The following XG variants were observed in gnomAD, a reference collection of about 807,000 sequenced individuals.
The protein encoded by XG is glycoprotein Xg.
XG carries 24 observed loss-of-function variants against 25.7 expected under a neutral mutation model. The observed-to-expected ratio is 0.93, with a 90% CI of 0.68 to 1.31. The LOEUF is 1.31. XG is among the 40% of genes most tolerant of loss of function. The pLI, the probability that XG is intolerant of heterozygous loss-of-function variation, is 0.00. For missense variants in XG, 181 were observed against 187.6 expected (o/e 0.96, Z 0.21); for synonymous variants, 77 against 69.2 (o/e 1.11, Z -0.56).
intron 1 of XG, among the ~76,000 whole-genome samples, chrX:2,759,852 G>C (rs2050524518): frequency 1.3e-5 from 2 of 152,230 alleles, no homozygotes; most frequent in African/African-American, 2.4e-5. Flanking sequence ...TGGATCAGGG[G>C]CCAGAGGCAC....
chrX:2,774,740 G>C lies in XG; in HGVS notation c.127+1G>C. ...GAACCCACCAAGAAGCCAAACTCAG[G>C]TGAGTGTCTCTTCAGCTGGGAAAAA... On this transcript the variant is annotated splice_donor_variant, in intron 3 of 10. Coordinates refer to ENST00000644266, the MANE Select transcript of XG (RefSeq NM_001141919.2). LOFTEE classifies it high-confidence loss of function. 6.2e-7 allele frequency: 1 copy of C among 1,613,816 alleles called. No individual in the cohort carries two copies. Among genetic ancestry groups the C allele is most frequent in the South Asian group, 1.1e-5 (1 of 91,060 alleles).
chrX:2,775,347 A>G (rs2050954156), intron 3 of XG, among the ~76,000 whole-genome samples: 1 of 152,228 alleles, frequency 6.6e-6, no homozygotes, highest in South Asian at 2.1e-4. Context: ...AGCCTCAAAA[A>G]CATTTTGCAA....
At chrX:2,787,907 CAAAAA>C (rs61601632) in intron 4 of XG, among the ~76,000 whole-genome samples, 1 of 50,786 alleles carries the variant, frequency 2.0e-5, no homozygotes, top group African/African-American at 6.7e-5. Context: ...AACTCCTTCT[CAAAAA>C]AAAAAAAAAA....
intron 5 of XG, among the ~76,000 whole-genome samples, chrX:2,791,733 T>C (rs1391131411): frequency 9.0e-6 from 1 of 110,647 alleles, no homozygotes; most frequent in African/African-American, 3.3e-5. Context: ...TCTGGAAAGC[T>C]GTGCCTGGCA....
chrX:2,768,078 C>T (rs28758440), intron 1 of XG, among the ~76,000 whole-genome samples: 17,182 of 152,124 alleles, frequency 0.11, 1,111 homozygotes, highest in African/African-American at 0.18. Flanking sequence ...TGCAGCCCTC[C>T]CGTGCCACCT....
chrX:2,788,382 C>T (rs2086804729), intron 4 of XG, among the ~76,000 whole-genome samples: 2 of 112,405 alleles, frequency 1.8e-5, no homozygotes, highest in African/African-American at 6.5e-5. Context: ...AGAGCTTGCA[C>T]TGATTATTTC....
intron 6 of XG, among the ~76,000 whole-genome samples, chrX:2,795,971 T>G (rs1178448372): frequency 9.0e-6 from 1 of 110,610 alleles, no homozygotes; most frequent in Non-Finnish European, 1.9e-5. Context: ...GTATATCTTC[T>G]AATGTATCTT....
intron 1 of XG, 40 bp from the exon 2 acceptor site, chrX:2,770,510 T>C: frequency 6.2e-7 from 1 of 1,613,484 alleles, no homozygotes; most frequent in South Asian, 1.1e-5. Flanking sequence ...TTCTGGCCTT[T>C]CCATCATGGG....
At chrX:2,759,302 A>C (rs1318137079) in intron 1 of XG, among the ~76,000 whole-genome samples, 1 of 152,218 alleles carries the variant, frequency 6.6e-6, no homozygotes, top group African/African-American at 2.4e-5. Context: ...TGTAGTGGAG[A>C]ACCTGCTGTT....
intron 2 of XG, among the ~76,000 whole-genome samples, chrX:2,774,301 A>G (rs1232956967): frequency 6.6e-6 from 1 of 152,080 alleles, no homozygotes; most frequent in Non-Finnish European, 1.5e-5. Context: ...CATGCAATAC[A>G]TATTTGCTGA....
Position 2,814,395 on chromosome X carries a change from C to G in XG, c.*15C>G. 8.3e-7 allele frequency: 1 copy of G among 1,203,440 alleles called. No individual in the cohort carries two copies. ...AAAATGTCTGAAGATGTTAAGATCC[C>G]CTGATTACTTTGAGAAAAACAACTA... On this transcript the variant is annotated 3_prime_UTR_variant, in exon 11 of 11. Transcript: ENST00000644266.
chrX:2,811,406 C>T lies in XG; in HGVS notation c.525C>T (p.Ala175=). The change falls in exon 10 of 11, where the codon GCC becomes GCT. Residue 175 remains alanine (A), a synonymous_variant. Coordinates refer to ENST00000644266, the MANE Select transcript of XG (RefSeq NM_001141919.2). ...TGGTGACACTGCTGGGAGCAGCAGCCAGTTATTTCAAACTAAACAATAGGA... is the reference window on the plus strand; with the variant it reads ...TGGTGACACTGCTGGGAGCAGCAGCTAGTTATTTCAAACTAAACAATAGGA... ...VVVVTLLGAA[A]SYFKLNNRRN... is the part of the protein sequence containing the mutation. 1 of 1,205,436 alleles carries T rather than the reference C, an allele frequency of 8.3e-7. No homozygotes were observed. Among genetic ancestry groups the T allele is most frequent in the South Asian group, 1.8e-5 (1 of 55,733 alleles).
intron 1 of XG, among the ~76,000 whole-genome samples, chrX:2,760,742 A>C (rs2050547465): frequency 6.6e-6 from 1 of 150,944 alleles, no homozygotes; most frequent in Admixed American, 6.6e-5. Context: ...CTCAAAAAAA[A>C]AAAAAAAAAA....
chrX:2,788,794 G>T (rs777637117), intron 4 of XG, among the ~76,000 whole-genome samples: 9 of 110,152 alleles, frequency 8.2e-5, no homozygotes, highest in Non-Finnish European at 1.5e-4. Context: ...GGCAGAGGTT[G>T]CCGTGAGCTG....
chrX:2,790,183 A>G (rs2086823526), intron 5 of XG, among the ~76,000 whole-genome samples: 1 of 111,623 alleles, frequency 9.0e-6, no homozygotes, highest in Non-Finnish European at 1.9e-5. Context: ...GCCCAGCCTG[A>G]TAATCAGTAT....
At chrX:2,775,746 A>T (rs1189995160) in intron 3 of XG, among the ~76,000 whole-genome samples, 2 of 151,838 alleles carry the variant, frequency 1.3e-5, no homozygotes, top group Non-Finnish European at 2.9e-5. Context: ...ATCTGAGGTC[A>T]GGGGTTCGAG....
In XG at chrX:2,815,724, C is replaced by T. The variant is rs967327177; in HGVS notation, c.*1344C>T. The T allele has an allele frequency of 2.7e-5, 3 of 109,190 alleles. No individual in the cohort carries two copies. Among genetic ancestry groups the T allele is most frequent in the Non-Finnish European group, 5.7e-5 (3 of 52,490 alleles). The allele number at this position is 109,190 out of a possible 1,213,427, so 9.0% of individuals were successfully genotyped here. ...TTTTCAGGAGTGGTGATGTCTGATG[C>T]TCAATTACTATTTTCCCTATAAGAG... On this transcript the variant is annotated 3_prime_UTR_variant, in exon 11 of 11. Coordinates refer to ENST00000644266, the MANE Select transcript of XG (RefSeq NM_001141919.2).
At chrX:2,778,998 A>G (rs765587563) in intron 3 of XG, among the ~76,000 whole-genome samples, 2 of 152,116 alleles carry the variant, frequency 1.3e-5, no homozygotes, top group Non-Finnish European at 2.9e-5. Context: ...TCCTGACCTC[A>G]GGTGATCTGT....
chrX:2,757,836 G>A lies in XG; in HGVS notation c.61+5501G>A, dbSNP rs758000348. Among the ~76,000 whole-genome samples, 41 of 151,492 alleles carry A rather than the reference G, an allele frequency of 2.7e-4. No individual in the cohort carries two copies. The East Asian group carries it at 4.9e-3, about 18-fold the overall frequency. On this transcript the variant is annotated intron_variant, in intron 1 of 10. Transcript: ENST00000644266. ...AAAATACAAAAATTAGCCAGGCATG[G>A]TGGGGGGTGTCTGTAATCCCAGCTA...
Sources: allele counts gnomAD v4.1 joint callset (sites outside exome capture counted in the v4.1 genomes callset), GRCh38; gene constraint gnomAD v4.1.1; transcripts MANE v1.5; gene names NCBI Gene and HGNC (gene_info 2026-07-23, HGNC 2026-07-21).